HOXB13: variants seen among roughly 807,000 people sequenced by gnomAD.
HOXB13 encodes homeobox B13.
Under a neutral mutation model 23.1 loss-of-function variants are expected in HOXB13, and 22 were observed. The observed-to-expected ratio is 0.95, with a 90% confidence interval of 0.68 to 1.36. HOXB13 has a LOEUF of 1.36. HOXB13 is among the 40% of genes most tolerant of loss of function. The pLI is 0.00. For synonymous variants in HOXB13, 173 were observed against 157.9 expected, an observed-to-expected ratio of 1.10 and a Z score of -0.72; for missense variants, 386 against 376.2, an observed-to-expected ratio of 1.03 and a Z score of -0.22.
At position 48,728,561 on chromosome 17, in the gene HOXB13, T is replaced by A. The variant is rs773581479; in HGVS notation, c.33A>T (p.Gly11=). The A allele has an allele frequency of 1.2e-5, 20 of 1,612,608 alleles. No individual in the cohort carries two copies. The Admixed American group carries it at 3.3e-4, about 27-fold the overall frequency. ...CCAGCAAGCCTTCGATATCCTTGGC[T>A]CCATCCAAGGTGGCATAATTGCCGG... The part of the protein sequence containing the change: MEPGNYATLD[G]AKDIEGLLGA... The change falls in exon 1 of 2, where the codon GGA becomes GGT. Residue 11 remains glycine, a synonymous_variant. Coordinates refer to ENST00000290295, the MANE Select transcript of HOXB13 (RefSeq NM_006361.6).
Position 48,726,179 on chromosome 17 carries a change from C to G in HOXB13, c.*611G>C, listed in dbSNP as rs1440434877. On this transcript the variant is annotated 3_prime_UTR_variant, in exon 2 of 2. Coordinates refer to ENST00000290295, the MANE Select transcript of HOXB13 (RefSeq NM_006361.6). ...ATCATCGTATTAAGGATGGGTGCTTCCAAGACCAGTGGGTACACCCTATGG... is the reference window on the plus strand; with the variant it reads ...ATCATCGTATTAAGGATGGGTGCTTGCAAGACCAGTGGGTACACCCTATGG... 3 of 152,380 alleles carry G rather than the reference C, an allele frequency of 2.0e-5. No homozygotes were observed. Among genetic ancestry groups the G allele is most frequent in the Admixed American group, 6.5e-5 (1 of 15,296 alleles). 9.4% of individuals were successfully genotyped at this position (152,380 alleles called of 1,614,324 possible).
Position 48,726,817 on chromosome 17 carries a change from G to A in HOXB13, c.828C>T (p.Ala276=), listed in dbSNP as rs757155193. 1.2e-6 allele frequency: 2 copies of A among 1,614,026 alleles called. No homozygotes were observed. The highest frequency in any genetic ancestry group is 2.2e-5 in the East Asian group (1 of 44,888). Reference sequence around the variant, plus strand: ...AAGGGGTAGCGCTGTTCTTCACCTTGGCGAGAACCTTCTTCTCTTTGACCC... The same window carrying A: ...AAGGGGTAGCGCTGTTCTTCACCTTAGCGAGAACCTTCTTCTCTTTGACCC... ...NRRVKEKKVL[A]KVKNSATP The change falls in exon 2 of 2, where the codon GCC becomes GCT. Residue 276 remains alanine (A), a synonymous_variant. Transcript: ENST00000290295.
intron 1 of HOXB13, among the ~76,000 whole-genome samples, chr17:48,727,438 C>A (rs1264727751): frequency 7.1e-6 from 1 of 140,758 alleles, no homozygotes; most frequent in Non-Finnish European, 1.6e-5. Context: ...ACTCCCAATA[C>A]ATGCGCATAC....
chr17:48,726,830 T>TTC lies in HOXB13; in HGVS notation c.813_814dup (p.Lys272ArgfsTer8), dbSNP rs2038215303. ...GTTCTTCACCTTGGCGAGAACCTTC[T>TTC]TCTCTTTGACCCGGCGGTTCTGAAA... On this transcript the variant is annotated frameshift_variant, in exon 2 of 2. Coordinates refer to ENST00000290295, the MANE Select transcript of HOXB13 (RefSeq NM_006361.6). LOFTEE classifies it high-confidence loss of function. 4 of 1,614,182 alleles carry TTC rather than the reference T, an allele frequency of 2.5e-6. No homozygotes were observed. Among genetic ancestry groups the TTC allele is most frequent in the Non-Finnish European group, 3.4e-6 (4 of 1,180,028 alleles).
rs8068566 is a variant in HOXB13 at position 48,724,867 on chromosome 17, T to A, written c.*1923A>T. 9.6e-6 allele frequency: 4 copies of A among 415,850 alleles called. No individual in the cohort carries two copies. In the Middle Eastern group the frequency reaches 1.9e-3, roughly 195 times the overall value. The allele number at this position is 415,850 out of a possible 1,614,324, so 25.8% of individuals were successfully genotyped here. A position where few individuals can be genotyped will look rare whatever the true frequency, so the allele number is the denominator to read the frequency against. ...GTTAGAGCATGGGGAGTCCAGAGGT[T>A]CCAGACCCCCAAAGGTCTCTACCAG... On this transcript the variant is annotated 3_prime_UTR_variant, in exon 2 of 2. Coordinates refer to ENST00000290295, the MANE Select transcript of HOXB13 (RefSeq NM_006361.6).
chr17:48,727,935 C>A lies in HOXB13; in HGVS notation c.601+58G>T, dbSNP rs143547955. 6.4e-7 allele frequency: 1 copy of A among 1,560,130 alleles called. No homozygotes were observed. On this transcript the variant is annotated intron_variant, in intron 1 of 1. Coordinates refer to ENST00000290295, the MANE Select transcript of HOXB13 (RefSeq NM_006361.6). ...CCCTCCTCCTCCTCCCAGGGAAATG[C>A]CATTGGGACCCACAACCCCAGGCTC...
chr17:48,726,996 G>C lies in HOXB13; in HGVS notation c.649C>G (p.Arg217Gly), dbSNP rs139475791. Residue 217 changes from arginine (R) to glycine (G), a missense_variant, in exon 2 of 2, where the codon CGC becomes GGC. Transcript: ENST00000290295. ...PPDACAFRRG[R>G]KKRIPYSKGQ... is the part of the protein sequence containing the mutation. The stretch of plus-strand genomic sequence containing the variant: ...TTGCTGTACGGAATGCGTTTCTTGC[G>C]GCCGCGACGAAAGGCGCAGGCGTCA... The C allele has an allele frequency of 8.7e-6, 14 of 1,611,676 alleles. No individual in the cohort carries two copies. Among genetic ancestry groups the C allele is most frequent in the Non-Finnish European group, 1.2e-5 (14 of 1,179,992 alleles).
rs750621041 is a variant in HOXB13 at position 48,728,385 on chromosome 17, G to A, written c.209C>T (p.Pro70Leu). ...PKQCHPCPGV[P>L]QGTSPAPVPY... ...CACGGGAGCTGGGGACGTCCCCTGG[G>A]GCACCCCAGGGCATGGGTGGCATTG... is the stretch of plus-strand genomic sequence containing the variant. Residue 70 changes from proline to leucine, a missense_variant, in exon 1 of 2, where the codon CCC becomes CTC. By Grantham distance (98) the Pro-to-Leu change is moderately conservative. Coordinates refer to ENST00000290295, the MANE Select transcript of HOXB13 (RefSeq NM_006361.6). 59 of 1,613,708 alleles carry A rather than the reference G, an allele frequency of 3.7e-5. No individual in the cohort carries two copies. Among genetic ancestry groups the A allele is most frequent in the Non-Finnish European group, 5.0e-5 (59 of 1,179,992 alleles).
chr17:48,727,860 C>A (rs2038226825), intron 1 of HOXB13, 133 bp downstream of exon 1: 5 of 1,141,594 alleles, frequency 4.4e-6, no homozygotes, highest in Non-Finnish European at 6.2e-6. Context: ...CTTCAGAGTC[C>A]TAATAACCAA....
In HOXB13 at chr17:48,725,351, T is replaced by C. The variant is rs1340574364; in HGVS notation, c.*1439A>G. ...CCCTCAGTCCCGGGCTCCTCTTTGG[T>C]AAATAGATTTGTAGGTGTCTAAGTC... On this transcript the variant is annotated 3_prime_UTR_variant, in exon 2 of 2. Coordinates refer to ENST00000290295, the MANE Select transcript of HOXB13 (RefSeq NM_006361.6). The C allele has an allele frequency of 1.3e-5, 2 of 152,352 alleles. No homozygotes were observed. The highest frequency in any genetic ancestry group is 2.1e-4 in the South Asian group (1 of 4,834). 9.4% of individuals were successfully genotyped at this position (152,352 alleles called of 1,614,324 possible).
chr17:48,726,471 T>C lies in HOXB13; in HGVS notation c.*319A>G, dbSNP rs2280354. The C allele has an allele frequency of 5.6e-3, 2,049 of 365,682 alleles. 106 individuals carry two copies. The East Asian group carries it at 0.083, about 15-fold the overall frequency. 22.7% of individuals were successfully genotyped at this position (365,682 alleles called of 1,614,324 possible). A position where few individuals can be genotyped will look rare whatever the true frequency, so the allele number is the denominator to read the frequency against. On this transcript the variant is annotated 3_prime_UTR_variant, in exon 2 of 2. Transcript: ENST00000290295. ...CTAAAGTGCTCTACAGAGCTCTAGA[T>C]AGAAAATATGAGGCTAACGATCATG...
Position 48,728,587 on chromosome 17 carries a change from G to T in HOXB13, c.7C>A (p.Pro3Thr), listed in dbSNP as rs546307661. The T allele has an allele frequency of 6.8e-5, 110 of 1,611,848 alleles. No homozygotes were observed. Among genetic ancestry groups the T allele is most frequent in the Non-Finnish European group, 8.7e-5 (103 of 1,179,878 alleles). Residue 3 changes from proline to threonine, a missense_variant, in exon 1 of 2, where the codon CCC becomes ACC. Pro to Thr is a conservative substitution (Grantham distance 38). Coordinates refer to ENST00000290295, the MANE Select transcript of HOXB13 (RefSeq NM_006361.6). ME[P>T]GNYATLDGAK... ...CCATCCAAGGTGGCATAATTGCCGG[G>T]CTCCATGGAGCCGAGGGTCGGCTCA...
Position 48,726,842 on chromosome 17 carries a change from C to A in HOXB13, c.803G>T (p.Arg268Leu). 6.2e-7 allele frequency: 1 copy of A among 1,614,134 alleles called. No individual in the cohort carries two copies. Among genetic ancestry groups the A allele is most frequent in the Non-Finnish European group, 8.5e-7 (1 of 1,180,022 alleles). Residue 268 changes from arginine to leucine, a missense_variant, in exon 2 of 2, where the codon CGG becomes CTG. Coordinates refer to ENST00000290295, the MANE Select transcript of HOXB13 (RefSeq NM_006361.6). ...GGCGAGAACCTTCTTCTCTTTGACC[C>A]GGCGGTTCTGAAACCAGATGGTAAT... ...RQITIWFQNRRVKEKKVLAKV... is the reference protein window; with the variant it reads ...RQITIWFQNRLVKEKKVLAKV...
rs1005388361 is a variant in HOXB13 at position 48,725,431 on chromosome 17, A to ACC, written c.*1357_*1358dup. The ACC allele has an allele frequency of 6.6e-6, 1 of 151,488 alleles. No homozygotes were observed. Among genetic ancestry groups the ACC allele is most frequent in the Non-Finnish European group, 1.5e-5 (1 of 67,884 alleles). 9.4% of individuals were successfully genotyped at this position (151,488 alleles called of 1,614,324 possible). ...GGAGACAGGGCTAGGATCCCACCCG[A>ACC]CCGCGGGCCATAAACACTTGGCTGC... On this transcript the variant is annotated 3_prime_UTR_variant, in exon 2 of 2. Transcript: ENST00000290295.
intron 1 of HOXB13, among the ~76,000 whole-genome samples, chr17:48,727,409 G>C (rs1463001236): frequency 6.6e-6 from 1 of 151,674 alleles, no homozygotes; most frequent in African/African-American, 2.4e-5. Flanking sequence ...GCAAATTCTG[G>C]AAACACGTTT....
In HOXB13 at chr17:48,726,239, A is replaced by C. The variant is rs1346893929; in HGVS notation, c.*551T>G. Reference sequence around the variant, plus strand: ...GGAGGGAGGAAGAGACAGCCTCTACAATTGTCCACCTACCCAGCTGTCAGC... The same window carrying C: ...GGAGGGAGGAAGAGACAGCCTCTACCATTGTCCACCTACCCAGCTGTCAGC... On this transcript the variant is annotated 3_prime_UTR_variant, in exon 2 of 2. Transcript: ENST00000290295. The C allele has an allele frequency of 6.5e-6, 1 of 154,404 alleles. No individual in the cohort carries two copies. Among genetic ancestry groups the C allele is most frequent in the African/African-American group, 2.4e-5 (1 of 41,450 alleles). The allele number at this position is 154,404 out of a possible 1,614,324, so 9.6% of individuals were successfully genotyped here.
At position 48,726,851 on chromosome 17, in the gene HOXB13, TG is replaced by T; in HGVS notation, c.793del (p.Gln265ArgfsTer14). ...LSERQITIWF[Q>X]NRRVKEKKVL... is the part of the protein sequence containing the mutation. ...CTTCTTCTCTTTGACCCGGCGGTTCTGAAACCAGATGGTAATCTGGCGCTCC... is the reference window on the plus strand; with the variant it reads ...CTTCTTCTCTTTGACCCGGCGGTTCTAAACCAGATGGTAATCTGGCGCTCC... On this transcript the variant is annotated frameshift_variant, in exon 2 of 2. Transcript: ENST00000290295. LOFTEE classifies it high-confidence loss of function. The T allele has an allele frequency of 6.2e-7, 1 of 1,614,182 alleles. No individual in the cohort carries two copies. The highest frequency in any genetic ancestry group is 8.5e-7 in the Non-Finnish European group (1 of 1,180,032).
rs1295017090 is a variant in HOXB13, at chr17:48,725,446, C to G, written c.*1344G>C. On this transcript the variant is annotated 3_prime_UTR_variant, in exon 2 of 2. Transcript: ENST00000290295. ...ATCCCACCCGACCGCGGGCCATAAA[C>G]ACTTGGCTGCGGCGGCCGCCGCGGG... 4.6e-5 allele frequency: 7 copies of G among 152,222 alleles called. No homozygotes were observed. Among genetic ancestry groups the G allele is most frequent in the Non-Finnish European group, 1.0e-4 (7 of 68,074 alleles). The allele number at this position is 152,222 out of a possible 1,614,324, so 9.4% of individuals were successfully genotyped here. A position where few individuals can be genotyped will look rare whatever the true frequency, so the allele number is the denominator to read the frequency against.
rs1597935002 is a variant in HOXB13 at position 48,728,440 on chromosome 17, C to G, written c.154G>C (p.Asp52His). Residue 52 changes from aspartate to histidine, a missense_variant, in exon 1 of 2, where the codon GAT becomes CAT. Physicochemically the swap from Asp to His is moderately conservative, Grantham distance 81. Transcript: ENST00000290295. ...LMPAVNYAPL[D>H]LPGSAEPPKQ... Reference sequence around the variant, plus strand: ...GGCGGCTCCGCCGAGCCTGGCAGATCCAAGGGGGCATAGTTGACAGCAGGC... The same window carrying G: ...GGCGGCTCCGCCGAGCCTGGCAGATGCAAGGGGGCATAGTTGACAGCAGGC... The G allele has an allele frequency of 6.2e-7, 1 of 1,613,240 alleles. No homozygotes were observed. Among genetic ancestry groups the G allele is most frequent in the Non-Finnish European group, 8.5e-7 (1 of 1,179,782 alleles).
Sources: gnomAD v4.1 joint callset for allele counts (sites outside exome capture counted in the v4.1 genomes callset) on GRCh38, gnomAD v4.1.1 for gene constraint, MANE v1.5 for transcripts, NCBI Gene and HGNC (gene_info 2026-07-23, HGNC 2026-07-21) for gene names.